UGT1A4: variants seen among roughly 807,000 people sequenced by gnomAD.
UGT1A4 encodes the protein UDP glucuronosyltransferase family 1 member A4, also known as UDP-glucuronosyltransferase 1A4.
A neutral mutation model predicts 41.1 loss-of-function variants in UGT1A4; 32 were observed. The ratio of observed to expected loss-of-function variants is 0.78; its 90% CI spans 0.59 to 1.05. The LOEUF is 1.05. Among genes scored for constraint, UGT1A4 ranks in the 50% least tolerant of loss-of-function variants. UGT1A4 has a pLI of 0.00. For missense variants in UGT1A4, 748 were observed against 677.4 expected, an observed-to-expected ratio of 1.10 and a Z score of -1.16; for synonymous variants, 283 against 265.1, an observed-to-expected ratio of 1.07 and a Z score of -0.66.
intron 1 of UGT1A4, among the ~76,000 whole-genome samples, chr2:233,730,779 G>A (rs1359595919): frequency 1.3e-5 from 2 of 152,152 alleles, no homozygotes; most frequent in African/African-American, 4.8e-5. Context: ...GCCCAGTGAA[G>A]CTGGGGACAG....
intron 1 of UGT1A4, among the ~76,000 whole-genome samples, chr2:233,761,544 A>G (rs745620081): frequency 8.5e-5 from 13 of 152,226 alleles, no homozygotes; most frequent in Non-Finnish European, 1.6e-4. Context: ...TCATTCTTTG[A>G]TGATGATAGA....
intron 1 of UGT1A4, among the ~76,000 whole-genome samples, chr2:233,745,355 T>A (rs1693086432): frequency 6.6e-6 from 1 of 151,846 alleles, no homozygotes; most frequent in African/African-American, 2.4e-5. Context: ...TTGGGGGAAT[T>A]TTTTTGAGAT....
In UGT1A4 at chr2:233,768,557, A is replaced by G. The variant is rs28946891; in HGVS notation, c.1307+118A>G. 5 of 1,466,482 alleles carry G rather than the reference A, an allele frequency of 3.4e-6. No individual in the cohort carries two copies. The African/African-American group carries it at 7.2e-5, about 21-fold the overall frequency. 90.8% of individuals were successfully genotyped at this position (1,466,482 alleles called of 1,614,324 possible). On this transcript the variant is annotated intron_variant, in intron 4 of 4. Coordinates refer to ENST00000373409, the MANE Select transcript of UGT1A4 (RefSeq NM_007120.3). ...TTGTTTCAAATATAAAAACAAATAC[A>G]TAAAAATCTGGATTTTTATTTCTTC... is the stretch of plus-strand genomic sequence containing the variant.
intron 1 of UGT1A4, among the ~76,000 whole-genome samples, chr2:233,724,164 AC>A (rs1305793865): frequency 2.6e-4 from 26 of 101,282 alleles, no homozygotes; most frequent in African/African-American, 4.5e-4. Flanking sequence ...GGGGGGGCTG[AC>A]CCCCCCATCT....
chr2:233,733,069 G>A (rs899757131), intron 1 of UGT1A4, among the ~76,000 whole-genome samples: 2 of 152,108 alleles, frequency 1.3e-5, no homozygotes, highest in African/African-American at 4.8e-5. Context: ...TCTCTTTGTA[G>A]CAATTGTGAA....
intron 1 of UGT1A4, among the ~76,000 whole-genome samples, chr2:233,730,769 G>A (rs1017824034): frequency 2.0e-5 from 3 of 152,108 alleles, no homozygotes; most frequent in Non-Finnish European, 4.4e-5. Context: ...GAATCTATAA[G>A]CCCAGTGAAG....
chr2:233,758,423 G>T (rs1305067521), intron 1 of UGT1A4, among the ~76,000 whole-genome samples: 3 of 152,182 alleles, frequency 2.0e-5, no homozygotes, highest in Non-Finnish European at 1.5e-5. Flanking sequence ...ATCTGCAAAT[G>T]AACTCACACA....
chr2:233,751,264 C>CT (rs1248433988), intron 1 of UGT1A4, among the ~76,000 whole-genome samples: 2 of 151,872 alleles, frequency 1.3e-5, no homozygotes, highest in Admixed American at 1.3e-4. Context: ...CTGTAGCCCC[C>CT]TTTTTTTGGC....
intron 1 of UGT1A4, among the ~76,000 whole-genome samples, chr2:233,766,777 T>C (rs945359450): frequency 1.3e-5 from 2 of 152,236 alleles, no homozygotes; most frequent in Admixed American, 6.5e-5. Context: ...TGTGCTTTTC[T>C]TTTGGAAAAC....
intron 1 of UGT1A4, chr2:233,722,133 T>G (rs1336404223): frequency 5.8e-6 from 1 of 172,564 alleles, no homozygotes; most frequent in Non-Finnish European, 1.2e-5. Flanking sequence ...TAGTAGAGTT[T>G]AAGACTCCTG....
chr2:233,742,230 A>T (rs1158826164), intron 1 of UGT1A4, among the ~76,000 whole-genome samples: 2 of 151,434 alleles, frequency 1.3e-5, no homozygotes, highest in African/African-American at 2.4e-5. Flanking sequence ...GAGAGCCCCA[A>T]ACAGAGATTT....
At chr2:233,736,140 G>A (rs1255229589) in intron 1 of UGT1A4, among the ~76,000 whole-genome samples, 1 of 152,150 alleles carries the variant, frequency 6.6e-6, no homozygotes, top group Non-Finnish European at 1.5e-5. Flanking sequence ...ATCACTTTCA[G>A]GTACACCAGT....
intron 1 of UGT1A4, chr2:233,747,437 C>G: frequency 1.9e-6 from 3 of 1,608,846 alleles, no homozygotes; most frequent in Non-Finnish European, 2.6e-6. Context: ...AGAAATTTTT[C>G]ACCCTGACAA....
At chr2:233,767,193 T>G (rs373415241) in intron 2 of UGT1A4, 28 bp downstream of exon 2, 1 of 1,613,806 alleles carries the variant, frequency 6.2e-7, no homozygotes. Context: ...CATGGCCTCA[T>G]ATCTATTTTC....
At chr2:233,770,350 T>C (rs1700063045) in intron 4 of UGT1A4, 1 of 152,104 alleles carries the variant, frequency 6.6e-6, no homozygotes, top group Non-Finnish European at 1.5e-5. Flanking sequence ...CAATTACTAT[T>C]GAATGAATGA....
At chr2:233,738,799 A>T (rs560020824) in intron 1 of UGT1A4, among the ~76,000 whole-genome samples, 1 of 152,338 alleles carries the variant, frequency 6.6e-6, no homozygotes, top group African/African-American at 2.4e-5. Flanking sequence ...ATGCAGAAAT[A>T]CTAGCTAAAG....
chr2:233,726,841 G>A (rs1173515179), intron 1 of UGT1A4, among the ~76,000 whole-genome samples: 1 of 152,112 alleles, frequency 6.6e-6, no homozygotes, highest in African/African-American at 2.4e-5. Flanking sequence ...TTTAATTTTT[G>A]TTCCTTTTCT....
At chr2:233,741,636 G>A (rs776299256) in intron 1 of UGT1A4, 1 of 151,906 alleles carries the variant, frequency 6.6e-6, no homozygotes, top group Non-Finnish European at 1.5e-5. Flanking sequence ...GCCCCTGTGG[G>A]ATGGTGCCAG....
At chr2:233,722,046 G>GT (rs1419489243) in intron 1 of UGT1A4, 1 of 233,802 alleles carries the variant, frequency 4.3e-6, no homozygotes, top group East Asian at 1.2e-4. Flanking sequence ...ATTTTGTGGT[G>GT]TTTCTGGGTC....
Sources: gnomAD v4.1 joint callset for allele counts (sites outside exome capture counted in the v4.1 genomes callset) on GRCh38, gnomAD v4.1.1 for gene constraint, MANE v1.5 for transcripts, NCBI Gene and HGNC (gene_info 2026-07-23, HGNC 2026-07-21) for gene names.